Variants in DOCK9 observed in about 807,000 individuals in gnomAD.
The protein encoded by DOCK9 is dedicator of cytokinesis 9, also known as dedicator of cytokinesis protein 9.
DOCK9 carries 89 observed loss-of-function variants against 263.3 expected under a neutral mutation model. The ratio of observed to expected loss-of-function variants is 0.34; its 90% CI spans 0.28 to 0.40. The LOEUF is 0.40. Ranked by LOEUF, DOCK9 falls within the 10% of genes least tolerant of loss-of-function variation. The probability of loss-of-function intolerance (pLI) is 1.00; values close to 1 mark genes in which losing one functional copy is unlikely to be tolerated. For missense variants in DOCK9, 2,140 were observed against 2,603.4 expected (o/e 0.82, Z 3.87); for synonymous variants, 976 against 973.1 (o/e 1.00, Z -0.06).
At chr13:98,872,223 G>A (rs149363552) in intron 27 of DOCK9, among the ~76,000 whole-genome samples, 1 of 152,224 alleles carries the variant, frequency 6.6e-6, no homozygotes, top group East Asian at 1.9e-4. Context: ...GCTTTCCGAC[G>A]TAAATAAGAC....
At chr13:98,836,015 TG>T (rs1169193589) in intron 39 of DOCK9, among the ~76,000 whole-genome samples, 1 of 152,098 alleles carries the variant, frequency 6.6e-6, no homozygotes, top group Non-Finnish European at 1.5e-5. Context: ...GGATTACAGG[TG>T]TGAGCCACTT....
chr13:98,976,938 GA>G (rs11307834), intron 1 of DOCK9, among the ~76,000 whole-genome samples: 93,003 of 150,274 alleles, frequency 0.62, 28,922 homozygotes, highest in East Asian at 0.86. Context: ...CCACGTTAAA[GA>G]AAAAAAAAAA....
chr13:98,923,829 C>T (rs2052478544), intron 4 of DOCK9, among the ~76,000 whole-genome samples: 1 of 152,216 alleles, frequency 6.6e-6, no homozygotes. Context: ...GCCCTGCGCA[C>T]TTCTCATGTG....
chr13:98,937,041 T>C (rs1185419353), intron 2 of DOCK9, among the ~76,000 whole-genome samples: 6 of 152,216 alleles, frequency 3.9e-5, no homozygotes, highest in Non-Finnish European at 7.3e-5. Context: ...GTTAAAATCA[T>C]ATTTCTGCTA....
chr13:98,966,396 T>C (rs1016538281), intron 1 of DOCK9, among the ~76,000 whole-genome samples: 1 of 152,238 alleles, frequency 6.6e-6, no homozygotes, highest in African/African-American at 2.4e-5. Context: ...TCTCGGCTTC[T>C]AATTCTGCCT....
chr13:98,882,972 A>G (rs2045062223), intron 23 of DOCK9, 70 bp downstream of exon 23: 3 of 1,324,400 alleles, frequency 2.3e-6, no homozygotes, highest in East Asian at 2.3e-5. Context: ...AACACCACTC[A>G]CCACCAAAGA....
chr13:99,060,357 G>A (rs1037595483), intron 1 of DOCK9, among the ~76,000 whole-genome samples: 7 of 152,004 alleles, frequency 4.6e-5, no homozygotes, highest in Non-Finnish European at 8.8e-5. Flanking sequence ...GATTACAGGC[G>A]TGAGCCACTG....
chr13:98,955,326 AT>A lies in DOCK9; in HGVS notation c.243+108del, dbSNP rs772854399. 6,130 of 656,046 alleles carry A rather than the reference AT, an allele frequency of 9.3e-3. 6 individuals carry two copies. Among genetic ancestry groups the A allele is most frequent in the South Asian group, 0.02 (588 of 29,554 alleles). 40.6% of individuals were successfully genotyped at this position (656,046 alleles called of 1,614,324 possible). A position where few individuals can be genotyped will look rare whatever the true frequency, so the allele number is the denominator to read the frequency against. Reference sequence around the variant, plus strand: ...AGAGCAAGACTGTGTCTCAAAAAAAATAATAATAATAATAATTAACTAACCA... The same window carrying A: ...AGAGCAAGACTGTGTCTCAAAAAAAAAATAATAATAATAATTAACTAACCA... On this transcript the variant is annotated intron_variant, in intron 2 of 52. Transcript: ENST00000682017.
chr13:98,892,914 C>T (rs1357597825), intron 15 of DOCK9, among the ~76,000 whole-genome samples: 4 of 152,140 alleles, frequency 2.6e-5, no homozygotes, highest in East Asian at 1.9e-4. Flanking sequence ...AAAGAGGAGG[C>T]GGCTCAGGCA....
At chr13:98,974,375 GACCC>G (rs962689987) in intron 1 of DOCK9, among the ~76,000 whole-genome samples, 1 of 152,096 alleles carries the variant, frequency 6.6e-6, no homozygotes, top group African/African-American at 2.4e-5. Flanking sequence ...CAGGGGACAA[GACCC>G]ACCCATGTAG....
intron 1 of DOCK9, among the ~76,000 whole-genome samples, chr13:99,064,328 A>G (rs1331319594): frequency 6.6e-6 from 1 of 152,264 alleles, no homozygotes; most frequent in Non-Finnish European, 1.5e-5. Flanking sequence ...GATAAATAAC[A>G]GGTGGCGGTG....
chr13:99,065,434 C>T (rs2041372690), intron 1 of DOCK9, among the ~76,000 whole-genome samples: 4 of 152,094 alleles, frequency 2.6e-5, no homozygotes, highest in Admixed American at 6.5e-5. Flanking sequence ...CCTTCCAGCT[C>T]GAAAACCCAC....
intron 1 of DOCK9, among the ~76,000 whole-genome samples, chr13:99,027,735 G>C (rs1777444876): frequency 6.6e-6 from 1 of 152,208 alleles, no homozygotes; most frequent in Admixed American, 6.5e-5. Flanking sequence ...GGAAGGAAGA[G>C]AGGGAGGGAG....
intron 7 of DOCK9, among the ~76,000 whole-genome samples, chr13:98,918,892 A>T (rs2051352617): frequency 6.6e-6 from 1 of 152,206 alleles, no homozygotes; most frequent in African/African-American, 2.4e-5. Flanking sequence ...TGTGTGGGGC[A>T]GGAAAGCAAT....
intron 23 of DOCK9, 97 bp downstream of exon 23, chr13:98,882,945 A>C: frequency 7.2e-6 from 7 of 970,530 alleles, no homozygotes; most frequent in Non-Finnish European, 1.1e-5. Flanking sequence ...TCCAGGTAAG[A>C]GCTTCCAAGG....
chr13:98,963,719 T>C (rs1441246682), intron 1 of DOCK9, among the ~76,000 whole-genome samples: 1 of 152,234 alleles, frequency 6.6e-6, no homozygotes, highest in Non-Finnish European at 1.5e-5. Context: ...AGCTACTTGA[T>C]AGGCTGAGAT....
chr13:98,852,126 A>G (rs1004718081), intron 35 of DOCK9, among the ~76,000 whole-genome samples: 2 of 152,198 alleles, frequency 1.3e-5, no homozygotes, highest in African/African-American at 4.8e-5. Context: ...TTTAAAGAAA[A>G]CTTTAAACAA....
chr13:98,948,898 C>T (rs1214058411), intron 2 of DOCK9, among the ~76,000 whole-genome samples: 1 of 152,212 alleles, frequency 6.6e-6, no homozygotes, highest in Admixed American at 6.5e-5. Flanking sequence ...CCTTTTCAGG[C>T]TGAATAATAT....
intron 45 of DOCK9, among the ~76,000 whole-genome samples, chr13:98,815,268 T>C (rs2091742310): frequency 6.6e-6 from 1 of 152,036 alleles, no homozygotes; most frequent in Non-Finnish European, 1.5e-5. Context: ...GGGACTGCAG[T>C]AGAGGTGGAA....
Sources: allele counts gnomAD v4.1 joint callset (sites outside exome capture counted in the v4.1 genomes callset), GRCh38; gene constraint gnomAD v4.1.1; transcripts MANE v1.5; gene names NCBI Gene and HGNC (gene_info 2026-07-23, HGNC 2026-07-21).